The following MAGI1 variants were observed in gnomAD, a reference collection of about 807,000 sequenced individuals.
MAGI1 encodes the protein membrane associated guanylate kinase, WW and PDZ domain containing 1, also known as membrane-associated guanylate kinase, WW and PDZ domain-containing protein 1.
MAGI1 carries 58 observed loss-of-function variants against 139.9 expected under a neutral mutation model. That is an observed-to-expected ratio of 0.41 (90% confidence interval 0.34 to 0.52). The LOEUF (loss-of-function observed/expected upper bound fraction) is 0.52. MAGI1 is among the 20% of genes least tolerant of loss of function. The probability of loss-of-function intolerance (pLI) is 0.12; values close to 1 mark genes in which losing one functional copy is unlikely to be tolerated. For synonymous variants in MAGI1, 812 were observed against 737.9 expected, an observed-to-expected ratio of 1.10 and a Z score of -1.63; for missense variants, 1,874 against 1,901.6, an observed-to-expected ratio of 0.99 and a Z score of 0.27.
At chr3:65,400,766 T>A (rs1944816697) in intron 13 of MAGI1, among the ~76,000 whole-genome samples, 1 of 106,848 alleles carries the variant, frequency 9.4e-6, no homozygotes, top group Non-Finnish European at 2.0e-5. Context: ...TTTTTTTTTT[T>A]TTTTTTTTTT....
intron 14 of MAGI1, among the ~76,000 whole-genome samples, chr3:65,390,482 T>G (rs1266130623): frequency 6.6e-6 from 1 of 152,134 alleles, no homozygotes; most frequent in African/African-American, 2.4e-5. Context: ...TTATTTATGG[T>G]GAATAGTTTT....
At chr3:65,795,500 A>G (rs2040066939) in intron 1 of MAGI1, among the ~76,000 whole-genome samples, 1 of 152,280 alleles carries the variant, frequency 6.6e-6, no homozygotes, top group Admixed American at 6.5e-5. Context: ...AGAGATGGGG[A>G]ACATATTAGT....
intron 6 of MAGI1, among the ~76,000 whole-genome samples, chr3:65,448,661 T>C (rs1302886518): frequency 6.6e-6 from 1 of 150,582 alleles, no homozygotes; most frequent in Non-Finnish European, 1.5e-5. Flanking sequence ...TGAAGGAGTG[T>C]TGGGAGGCAT....
chr3:65,970,102 C>G (rs1334525048), intron 1 of MAGI1, among the ~76,000 whole-genome samples: 1 of 152,146 alleles, frequency 6.6e-6, no homozygotes, highest in African/African-American at 2.4e-5. Context: ...TGTCCATCAA[C>G]AGATGAATGA....
intron 1 of MAGI1, among the ~76,000 whole-genome samples, chr3:66,020,195 T>C (rs918197155): frequency 6.6e-6 from 1 of 152,148 alleles, no homozygotes; most frequent in African/African-American, 2.4e-5. Flanking sequence ...ATTCCAGCAC[T>C]TTGCGAGGCT....
At chr3:65,363,800 A>G (rs1005381001) in intron 20 of MAGI1, among the ~76,000 whole-genome samples, 192 bp from the exon 21 acceptor site, 1 of 152,194 alleles carries the variant, frequency 6.6e-6, no homozygotes, top group East Asian at 1.9e-4. Flanking sequence ...GAGCATGTCT[A>G]TATGCATCTG....
intron 1 of MAGI1, among the ~76,000 whole-genome samples, chr3:65,629,123 T>C (rs907210328): frequency 1.3e-5 from 2 of 152,174 alleles, no homozygotes; most frequent in African/African-American, 2.4e-5. Context: ...TTCAAGGTGA[T>C]GGATGATGAG....
At chr3:65,654,429 G>A (rs2085753567) in intron 1 of MAGI1, among the ~76,000 whole-genome samples, 1 of 152,144 alleles carries the variant, frequency 6.6e-6, no homozygotes, top group African/African-American at 2.4e-5. Flanking sequence ...GTGGAATGGT[G>A]ACCTATCATG....
chr3:65,981,473 T>A (rs2065576782), intron 1 of MAGI1, among the ~76,000 whole-genome samples: 1 of 152,214 alleles, frequency 6.6e-6, no homozygotes, highest in Admixed American at 6.5e-5. Context: ...CAACTTGCCT[T>A]CAGTTTCATC....
chr3:65,597,318 C>A (rs535575674), intron 2 of MAGI1, among the ~76,000 whole-genome samples: 1 of 142,798 alleles, frequency 7.0e-6, no homozygotes, highest in East Asian at 2.3e-4. Flanking sequence ...CCCGGGCTGA[C>A]GAGCACACTT....
chr3:65,572,585 C>T (rs747256160), intron 2 of MAGI1, among the ~76,000 whole-genome samples: 7 of 152,120 alleles, frequency 4.6e-5, no homozygotes, highest in Non-Finnish European at 1.0e-4. Context: ...AGACAGGACT[C>T]AGGCATTGAG....
intron 5 of MAGI1, among the ~76,000 whole-genome samples, chr3:65,463,903 T>C (rs1252221309): frequency 9.8e-6 from 1 of 101,680 alleles, no homozygotes; most frequent in Non-Finnish European, 2.6e-5. Flanking sequence ...GATTTTCTAG[T>C]TTATTTGCAT....
intron 1 of MAGI1, among the ~76,000 whole-genome samples, chr3:65,737,351 G>A (rs763919629): frequency 5.9e-5 from 9 of 152,296 alleles, no homozygotes; most frequent in Non-Finnish European, 1.2e-4. Context: ...ATGGACGGAC[G>A]GGTGGATGGA....
chr3:65,495,046 C>CT, intron 2 of MAGI1, among the ~76,000 whole-genome samples: 1 of 152,188 alleles, frequency 6.6e-6, no homozygotes, highest in Non-Finnish European at 1.5e-5. Context: ...CGTGCCTCCC[C>CT]TGGCAGGTGA....
chr3:65,382,550 C>G (rs1943137673), intron 15 of MAGI1, among the ~76,000 whole-genome samples: 1 of 152,056 alleles, frequency 6.6e-6, no homozygotes, highest in Non-Finnish European at 1.5e-5. Context: ...CTTTTAGCAC[C>G]CGAAAGCAGA....
At chr3:65,924,121 G>A (rs900229210) in intron 1 of MAGI1, among the ~76,000 whole-genome samples, 5 of 152,100 alleles carry the variant, frequency 3.3e-5, no homozygotes, top group African/African-American at 9.7e-5. Context: ...TGCCATTATG[G>A]CTCTTTACCA....
intron 1 of MAGI1, among the ~76,000 whole-genome samples, chr3:65,934,624 C>G (rs950952835): frequency 6.6e-6 from 1 of 151,928 alleles, no homozygotes; most frequent in Non-Finnish European, 1.5e-5. Flanking sequence ...AACCGAGTCC[C>G]TCTTATATTG....
chr3:65,435,493 T>C (rs568755394), intron 10 of MAGI1, among the ~76,000 whole-genome samples: 5 of 151,522 alleles, frequency 3.3e-5, no homozygotes, highest in African/African-American at 9.7e-5. Flanking sequence ...GATGGATGGA[T>C]GGATGGATGG....
intron 2 of MAGI1, among the ~76,000 whole-genome samples, chr3:65,508,337 G>C (rs2077392512): frequency 6.6e-6 from 1 of 152,016 alleles, no homozygotes; most frequent in Non-Finnish European, 1.5e-5. Context: ...CTGGGAGGCG[G>C]AGCTTGCAGT....
Sources: allele counts gnomAD v4.1 joint callset (sites outside exome capture counted in the v4.1 genomes callset), GRCh38; gene constraint gnomAD v4.1.1; transcripts MANE v1.5; gene names NCBI Gene and HGNC (gene_info 2026-07-23, HGNC 2026-07-21).